IL1RAPL1: variants seen among roughly 807,000 people sequenced by gnomAD.
IL1RAPL1 encodes the protein interleukin-1 receptor accessory protein-like 1.
A neutral mutation model predicts 48.4 loss-of-function variants in IL1RAPL1; 3 were observed. The observed-to-expected ratio is 0.06, with a 90% confidence interval of 0.03 to 0.16. The LOEUF (loss-of-function observed/expected upper bound fraction) is 0.16, where lower values mean the gene tolerates loss of function less well. Among genes scored for constraint, IL1RAPL1 ranks in the 10% least tolerant of loss-of-function variants. The pLI, the probability that IL1RAPL1 is intolerant of heterozygous loss-of-function variation, is 1.00. For missense variants in IL1RAPL1, 349 were observed against 530.6 expected (o/e 0.66, Z 3.36); for synonymous variants, 185 against 187.7 (o/e 0.99, Z 0.12).
chrX:28,799,463 C>A (rs779211867), intron 2 of IL1RAPL1, among the ~76,000 whole-genome samples: 1 of 112,289 alleles, frequency 8.9e-6, no homozygotes, highest in East Asian at 2.8e-4. Context: ...ATTGTGGTGT[C>A]TTCTCTACAC....
intron 1 of IL1RAPL1, among the ~76,000 whole-genome samples, chrX:28,667,377 C>G (rs1934892796): frequency 8.9e-6 from 1 of 111,966 alleles, no homozygotes. Flanking sequence ...TAAAACAAAA[C>G]TTATTGTCAA....
At chrX:28,641,687 A>T (rs757727526) in intron 1 of IL1RAPL1, among the ~76,000 whole-genome samples, 2 of 111,693 alleles carry the variant, frequency 1.8e-5, no homozygotes, top group Non-Finnish European at 3.8e-5. Context: ...TCCCACCAAC[A>T]GTGTAAAAGC....
intron 2 of IL1RAPL1, among the ~76,000 whole-genome samples, chrX:29,256,700 C>G (rs984219738): frequency 9.0e-6 from 1 of 111,012 alleles, no homozygotes; most frequent in Non-Finnish European, 1.9e-5. Context: ...TTCACAGGAC[C>G]TTATCTATAT....
At chrX:29,614,579 C>A (rs1924220984) in intron 5 of IL1RAPL1, among the ~76,000 whole-genome samples, 2 of 111,318 alleles carry the variant, frequency 1.8e-5, no homozygotes, top group African/African-American at 6.5e-5. Flanking sequence ...AAAAAAAGTC[C>A]AACACCAGCA....
intron 6 of IL1RAPL1, among the ~76,000 whole-genome samples, chrX:29,765,367 T>C (rs929115909): frequency 9.0e-6 from 1 of 111,090 alleles, no homozygotes; most frequent in African/African-American, 3.3e-5. Context: ...CTGGTATAAT[T>C]TATAACACGA....
chrX:29,802,993 A>G (rs1282526212), intron 6 of IL1RAPL1, among the ~76,000 whole-genome samples: 1,682 of 46,913 alleles, frequency 0.036, 265 homozygotes, highest in Non-Finnish European at 0.04. Flanking sequence ...GTGTACATAT[A>G]TATGTATGCA....
intron 6 of IL1RAPL1, among the ~76,000 whole-genome samples, chrX:29,862,172 A>T (rs1340160762): frequency 2.7e-5 from 3 of 111,665 alleles, no homozygotes; most frequent in Admixed American, 9.5e-5. Context: ...AAAAAAAAAA[A>T]AAATAAGAAT....
rs774866312 is a variant in IL1RAPL1, at chrX:29,721,382, G to A, written c.778+52878G>A. ...ATATCCTGGCATGCTGTAGCACAGA[G>A]TAGAGAGCCCTGCAGCATTTAGGCA... On this transcript the variant is annotated intron_variant, in intron 6 of 10. Transcript: ENST00000378993. 1.3e-4 allele frequency among the ~76,000 whole-genome samples: 14 copies of A among 111,877 alleles called. No individual in the cohort carries two copies. The South Asian group carries it at 4.9e-3, about 39-fold the overall frequency.
At chrX:29,462,269 A>G (rs1934811896) in intron 5 of IL1RAPL1, among the ~76,000 whole-genome samples, 1 of 111,547 alleles carries the variant, frequency 9.0e-6, no homozygotes, top group Admixed American at 9.5e-5. Context: ...CAGCTCCATG[A>G]AATAAAATAT....
intron 1 of IL1RAPL1, among the ~76,000 whole-genome samples, chrX:28,684,290 GAAC>G (rs1354299722): frequency 8.9e-6 from 1 of 111,822 alleles, no homozygotes; most frequent in Non-Finnish European, 1.9e-5. Flanking sequence ...TGAATTTTCA[GAAC>G]AAATAGTGGT....
At chrX:29,793,839 A>G (rs781468230) in intron 6 of IL1RAPL1, among the ~76,000 whole-genome samples, 1 of 111,994 alleles carries the variant, frequency 8.9e-6, no homozygotes, top group Non-Finnish European at 1.9e-5. Flanking sequence ...ACAGTTATAT[A>G]TTTTCCGTAG....
At position 28,770,381 on chromosome X, in the gene IL1RAPL1, C is replaced by T. The variant is rs1388725607; in HGVS notation, c.-24-18939C>T. 6.3e-5 allele frequency among the ~76,000 whole-genome samples: 7 copies of T among 111,654 alleles called. No homozygotes were observed. In the Admixed American group the frequency reaches 6.7e-4, roughly 11 times the overall value. ...CCTCAAGCTCAAGCTTCATCAGTCT[C>T]TGTGGTTGAGTTGATTAGTTTAATT... is the stretch of plus-strand genomic sequence containing the variant. On this transcript the variant is annotated intron_variant, in intron 1 of 10. Coordinates refer to ENST00000378993, the MANE Select transcript of IL1RAPL1 (RefSeq NM_014271.4).
chrX:29,347,455 G>A (rs1245436969), intron 3 of IL1RAPL1, among the ~76,000 whole-genome samples: 10 of 103,329 alleles, frequency 9.7e-5, no homozygotes, highest in Non-Finnish European at 2.0e-4. Context: ...GTAGCATGAT[G>A]ATGGCTCACT....
chrX:28,891,369 A>G (rs759970948), intron 2 of IL1RAPL1, among the ~76,000 whole-genome samples: 1 of 112,149 alleles, frequency 8.9e-6, no homozygotes, highest in Non-Finnish European at 1.9e-5. Flanking sequence ...GTATAATTTG[A>G]TGATTTCTAA....
At chrX:29,611,744 G>T (rs1397633579) in intron 5 of IL1RAPL1, among the ~76,000 whole-genome samples, 1 of 111,188 alleles carries the variant, frequency 9.0e-6, no homozygotes, top group African/African-American at 3.3e-5. Context: ...GAAGAATCAG[G>T]TCAGACATGG....
At chrX:29,143,326 A>T (rs944802880) in intron 2 of IL1RAPL1, among the ~76,000 whole-genome samples, 4 of 112,126 alleles carry the variant, frequency 3.6e-5, no homozygotes, top group Non-Finnish European at 7.5e-5. Flanking sequence ...AATTTAGAAG[A>T]TCCATACAAA....
intron 5 of IL1RAPL1, among the ~76,000 whole-genome samples, chrX:29,626,897 C>G (rs1456173631): frequency 2.7e-5 from 3 of 112,131 alleles, no homozygotes; most frequent in Non-Finnish European, 5.6e-5. Context: ...ATACTCTACA[C>G]AGCCTTTATA....
chrX:29,144,628 A>G (rs1929311566), intron 2 of IL1RAPL1, among the ~76,000 whole-genome samples: 2 of 106,838 alleles, frequency 1.9e-5, no homozygotes, highest in Admixed American at 2.0e-4. Flanking sequence ...AAAAAAAAGG[A>G]AAGATCTGAA....
intron 3 of IL1RAPL1, among the ~76,000 whole-genome samples, chrX:29,336,853 G>C (rs762167859): frequency 1.8e-5 from 2 of 111,661 alleles, no homozygotes; most frequent in African/African-American, 3.3e-5. Flanking sequence ...TTTCAGGGGA[G>C]AACAGAGAAG....
Sources: gnomAD v4.1 joint callset for allele counts (sites outside exome capture counted in the v4.1 genomes callset) on GRCh38, gnomAD v4.1.1 for gene constraint, MANE v1.5 for transcripts, NCBI Gene and HGNC (gene_info 2026-07-23, HGNC 2026-07-21) for gene names.